GPC6: variants seen among roughly 807,000 people sequenced by gnomAD.
The protein encoded by GPC6 is glypican 6, also known as glypican-6.
A neutral mutation model predicts 55.2 loss-of-function variants in GPC6; 14 were observed. The ratio of observed to expected loss-of-function variants is 0.25; its 90% CI spans 0.17 to 0.40. The LOEUF (loss-of-function observed/expected upper bound fraction) is 0.40. Ranked by LOEUF, GPC6 falls within the 10% of genes least tolerant of loss-of-function variation. The pLI is 1.00. For synonymous variants in GPC6, 278 were observed against 259.6 expected (o/e 1.07, Z -0.68); for missense variants, 641 against 708.5 (o/e 0.90, Z 1.08).
intron 3 of GPC6, among the ~76,000 whole-genome samples, chr13:93,868,382 T>G (rs1439385221): frequency 6.6e-6 from 1 of 151,800 alleles, no homozygotes; most frequent in Non-Finnish European, 1.5e-5. Context: ...TTTTATTAAG[T>G]TAATAATAAT....
chr13:93,798,868 A>C (rs1594467092), intron 2 of GPC6, among the ~76,000 whole-genome samples: 1 of 145,784 alleles, frequency 6.9e-6, no homozygotes. Context: ...GCAATGAGCC[A>C]AGATCGCACC....
intron 1 of GPC6, among the ~76,000 whole-genome samples, chr13:93,242,304 C>T (rs1442019019): frequency 6.6e-6 from 1 of 152,080 alleles, no homozygotes; most frequent in Non-Finnish European, 1.5e-5. Context: ...TACTACAAGC[C>T]TGGCAAAAAA....
At chr13:94,349,782 T>A (rs1878449493) in intron 6 of GPC6, among the ~76,000 whole-genome samples, 1 of 152,192 alleles carries the variant, frequency 6.6e-6, no homozygotes, top group Non-Finnish European at 1.5e-5. Context: ...ACCACTTCCA[T>A]GGCATTTCCT....
chr13:94,228,323 C>T (rs1167087867), intron 4 of GPC6, among the ~76,000 whole-genome samples: 1 of 152,012 alleles, frequency 6.6e-6, no homozygotes, highest in East Asian at 1.9e-4. Context: ...TGGAAATGTG[C>T]TTTATATATT....
At chr13:94,048,627 A>G (rs1268631903) in intron 4 of GPC6, among the ~76,000 whole-genome samples, 1 of 151,684 alleles carries the variant, frequency 6.6e-6, no homozygotes, top group Admixed American at 6.6e-5. Context: ...AAAAACGAAG[A>G]GACAGAAATC....
chr13:93,556,408 GTATA>G (rs36113667), intron 2 of GPC6, among the ~76,000 whole-genome samples: 3,584 of 130,934 alleles, frequency 0.027, 168 homozygotes, highest in African/African-American at 0.093. Context: ...GTATGTATAT[GTATA>G]TATATATATA....
At chr13:93,825,589 G>T (rs747739180) in intron 2 of GPC6, among the ~76,000 whole-genome samples, 3 of 152,096 alleles carry the variant, frequency 2.0e-5, no homozygotes, top group Non-Finnish European at 4.4e-5. Context: ...TGGCACTGTG[G>T]GTCTCCCTTC....
At chr13:94,054,356 T>G (rs1179132895) in intron 4 of GPC6, among the ~76,000 whole-genome samples, 1 of 152,188 alleles carries the variant, frequency 6.6e-6, no homozygotes, top group African/African-American at 2.4e-5. Context: ...TGAACAGTGG[T>G]AAATTCATTT....
At chr13:93,780,128 A>G (rs1361286432) in intron 2 of GPC6, among the ~76,000 whole-genome samples, 1 of 152,198 alleles carries the variant, frequency 6.6e-6, no homozygotes, top group African/African-American at 2.4e-5. Context: ...TTAAGAAGTA[A>G]TGAGGATGAA....
intron 2 of GPC6, among the ~76,000 whole-genome samples, chr13:93,632,096 GA>G (rs1879468733): frequency 6.6e-6 from 1 of 152,158 alleles, no homozygotes; most frequent in Non-Finnish European, 1.5e-5. Context: ...CCACCTTCAT[GA>G]AAAGTTGAGA....
chr13:93,432,950 A>C (rs1166166779), intron 1 of GPC6, among the ~76,000 whole-genome samples: 1 of 22,000 alleles, frequency 4.5e-5, no homozygotes, highest in African/African-American at 1.9e-4. Flanking sequence ...GGCAGAAAAA[A>C]AGGAAAGAAA....
intron 3 of GPC6, among the ~76,000 whole-genome samples, chr13:94,013,317 A>G (rs1340164599): frequency 6.6e-6 from 1 of 151,824 alleles, no homozygotes; most frequent in Non-Finnish European, 1.5e-5. Context: ...ACTAACTCCT[A>G]TGGCGGTTTT....
chr13:94,030,305 G>T (rs1214932733), intron 4 of GPC6, among the ~76,000 whole-genome samples: 1 of 152,038 alleles, frequency 6.6e-6, no homozygotes, highest in Admixed American at 6.6e-5. Flanking sequence ...CACCGTGCCC[G>T]TCCCCTCTGT....
chr13:94,012,409 T>C (rs371401490), intron 3 of GPC6, among the ~76,000 whole-genome samples: 1 of 152,334 alleles, frequency 6.6e-6, no homozygotes, highest in African/African-American at 2.4e-5. Flanking sequence ...GAATCACTGA[T>C]GTGAATCCAT....
intron 4 of GPC6, among the ~76,000 whole-genome samples, chr13:94,249,250 G>A (rs1026391714): frequency 6.6e-6 from 1 of 152,026 alleles, no homozygotes; most frequent in African/African-American, 2.4e-5. Flanking sequence ...CCCATACCCT[G>A]CTCCTCAGCA....
chr13:93,787,235 A>G (rs1468465628), intron 2 of GPC6, among the ~76,000 whole-genome samples: 1 of 152,206 alleles, frequency 6.6e-6, no homozygotes. Flanking sequence ...ATAAACAAAT[A>G]CTACTTTCCG....
upstream of GPC6, among the ~76,000 whole-genome samples, chr13:93,226,208 C>G (rs979900059): frequency 6.6e-6 from 1 of 152,028 alleles, no homozygotes; most frequent in African/African-American, 2.4e-5. Flanking sequence ...CACCTCTGAC[C>G]CTTGTGCTCT....
intron 3 of GPC6, among the ~76,000 whole-genome samples, chr13:93,886,762 T>TGG (rs1875362358): frequency 1.7e-5 from 2 of 118,702 alleles, no homozygotes; most frequent in African/African-American, 5.8e-5. Context: ...TTTTTTTTGT[T>TGG]TTTTTTTTTT....
chr13:93,607,917 T>C (rs566459298), intron 2 of GPC6, among the ~76,000 whole-genome samples: 1 of 152,350 alleles, frequency 6.6e-6, no homozygotes, highest in African/African-American at 2.4e-5. Context: ...GGCTGCCACC[T>C]GCCAGCATCC....
Sources: gnomAD v4.1 joint callset for allele counts (sites outside exome capture counted in the v4.1 genomes callset) on GRCh38, gnomAD v4.1.1 for gene constraint, MANE v1.5 for transcripts, NCBI Gene and HGNC (gene_info 2026-07-23, HGNC 2026-07-21) for gene names.